TOP3A: variants seen among roughly 807,000 people sequenced by gnomAD.
The protein encoded by TOP3A is DNA topoisomerase III alpha, also known as DNA topoisomerase 3-alpha.
Under a neutral mutation model 111.3 loss-of-function variants are expected in TOP3A, and 64 were observed. The ratio of observed to expected loss-of-function variants is 0.57; its 90% CI spans 0.47 to 0.71. TOP3A has a LOEUF of 0.71. Among genes scored for constraint, TOP3A ranks in the 30% least tolerant of loss-of-function variants. The probability of loss-of-function intolerance (pLI) is 0.00; values close to 1 mark genes in which losing one functional copy is unlikely to be tolerated. For missense variants in TOP3A, 1,104 were observed against 1,285.0 expected (o/e 0.86, Z 2.15); for synonymous variants, 484 against 485.1 (o/e 1.00, Z 0.03).
At chr17:18,280,751 A>G in intron 16 of TOP3A, 93 bp from the exon 17 acceptor site, 1 of 1,428,704 alleles carries the variant, frequency 7.0e-7, no homozygotes, top group South Asian at 1.3e-5. Context: ...CAGCTGCCCG[A>G]GGACAACATT....
chr17:18,288,491 T>G (rs1980266875), intron 13 of TOP3A, among the ~76,000 whole-genome samples: 1 of 152,110 alleles, frequency 6.6e-6, no homozygotes, highest in Non-Finnish European at 1.5e-5. Context: ...TAAGTGTACC[T>G]CTATGTGGTT....
chr17:18,282,947 T>A, intron 15 of TOP3A, 106 bp from the exon 16 acceptor site: 1 of 1,446,158 alleles, frequency 6.9e-7, no homozygotes, highest in Non-Finnish European at 9.4e-7. Context: ...AACCAGCTGG[T>A]CAGTGAGCCG....
intron 18 of TOP3A, 131 bp downstream of exon 18, chr17:18,277,544 G>A: frequency 1.0e-6 from 1 of 977,396 alleles, no homozygotes; most frequent in Non-Finnish European, 1.5e-6. Context: ...GAAAAGTGAG[G>A]TGCAAGGCAG....
chr17:18,307,280 T>C (rs976838384), intron 3 of TOP3A: 3 of 239,342 alleles, frequency 1.3e-5, no homozygotes, highest in Non-Finnish European at 1.6e-5. Flanking sequence ...TCACAATGGA[T>C]CAGATAATCC....
Position 18,290,841 on chromosome 17 carries a change from C to T in TOP3A, c.1467+1G>A. ...TCTCACTGGGGACCACTCTTTATTACCTTGTCACTCCAGTGATCATATGGA... is the reference window on the plus strand; with the variant it reads ...TCTCACTGGGGACCACTCTTTATTATCTTGTCACTCCAGTGATCATATGGA... On this transcript the variant is annotated splice_donor_variant, in intron 12 of 18. Transcript: ENST00000321105. LOFTEE classifies it high-confidence loss of function. The T allele has an allele frequency of 1.2e-6, 2 of 1,613,844 alleles. No homozygotes were observed. The highest frequency in any genetic ancestry group is 1.7e-6 in the Non-Finnish European group (2 of 1,179,752).
At chr17:18,295,522 C>T (rs1448282439) in intron 9 of TOP3A, among the ~76,000 whole-genome samples, 1 of 152,146 alleles carries the variant, frequency 6.6e-6, no homozygotes, top group African/African-American at 2.4e-5. Flanking sequence ...AGGGCAGTGG[C>T]ACGATCTCGG....
rs758109007 is a variant in TOP3A at position 18,314,612 on chromosome 17, C to A, written c.167G>T (p.Gly56Val). 1.2e-6 allele frequency: 2 copies of A among 1,610,650 alleles called. No individual in the cohort carries two copies. Among genetic ancestry groups the A allele is most frequent in the South Asian group, 2.2e-5 (2 of 90,518 alleles). Residue 56 changes from glycine to valine, a missense_variant, in exon 1 of 19, where the codon GGT (glycine) becomes GTT (valine). Gly to Val is a moderately radical substitution (Grantham distance 109, BLOSUM62 -3). Transcript: ENST00000321105. ...AKGIADLLSN[G>V]RMRRREGLSK... Reference sequence around the variant, plus strand: ...GCGCTTTCTTACCCGCCTCATGCGACCGTTTGACAGCAGGTCGGCGATCCC... The same window carrying A: ...GCGCTTTCTTACCCGCCTCATGCGAACGTTTGACAGCAGGTCGGCGATCCC...
Position 18,306,895 on chromosome 17 carries a change from A to T in TOP3A, c.386T>A (p.Ile129Asn). The T allele has an allele frequency of 1.2e-6, 2 of 1,609,570 alleles. No individual in the cohort carries two copies. The highest frequency in any genetic ancestry group is 1.7e-6 in the Non-Finnish European group (2 of 1,175,960). ...ATGTCTTCCAAAAGACCCTACCTTGATGTCTACAAAATTCTCTGGGCAGTA... is the reference window on the plus strand; with the variant it reads ...ATGTCTTCCAAAAGACCCTACCTTGTTGTCTACAAAATTCTCTGGGCAGTA... ...EKYCPENFVD[I>N]KKTLERETRQ... Residue 129 changes from isoleucine (I) to asparagine (N), a missense_variant, in exon 4 of 19, where the codon ATC (isoleucine) becomes AAC (asparagine). Coordinates refer to ENST00000321105, the MANE Select transcript of TOP3A (RefSeq NM_004618.5).
chr17:18,286,347 CAA>C (rs57468944), intron 13 of TOP3A, among the ~76,000 whole-genome samples: 198 of 118,436 alleles, frequency 1.7e-3, no homozygotes, highest in Middle Eastern at 4.5e-3. Context: ...ACTAAAAATA[CAA>C]AAAAAAAAAA....
intron 18 of TOP3A, 99 bp downstream of exon 18, chr17:18,277,576 C>T (rs1979455621): frequency 7.0e-7 from 1 of 1,420,744 alleles, no homozygotes; most frequent in South Asian, 1.3e-5. Flanking sequence ...CTCCCAATCC[C>T]ACCATGACCC....
chr17:18,274,542 G>A lies in TOP3A; in HGVS notation c.*260C>T, dbSNP rs771950058. 7 of 372,484 alleles carry A rather than the reference G, an allele frequency of 1.9e-5. No individual in the cohort carries two copies. The highest frequency in any genetic ancestry group is 9.3e-5 in the East Asian group (2 of 21,468). The allele number at this position is 372,484 out of a possible 1,614,324, so 23.1% of individuals were successfully genotyped here. On this transcript the variant is annotated 3_prime_UTR_variant, in exon 19 of 19. Transcript: ENST00000321105. Reference sequence around the variant, plus strand: ...AACAGCAACCATCCTTGGGGGGTCCGAGGGAGCAGCTGCGTGACTTTTCAG... The same window carrying A: ...AACAGCAACCATCCTTGGGGGGTCCAAGGGAGCAGCTGCGTGACTTTTCAG...
At chr17:18,290,494 C>A in intron 13 of TOP3A, 63 bp downstream of exon 13, 1 of 1,446,238 alleles carries the variant, frequency 6.9e-7, no homozygotes, top group Non-Finnish European at 9.2e-7. Flanking sequence ...TAGAGGAAAC[C>A]TGTACCTGGT....
chr17:18,282,876 A>G (rs1396514999), intron 15 of TOP3A, 35 bp from the exon 16 acceptor site: 2 of 1,611,888 alleles, frequency 1.2e-6, no homozygotes, highest in Non-Finnish European at 1.7e-6. Flanking sequence ...CCCATCAGCC[A>G]GCAATCGCTG....
chr17:18,308,131 G>A (rs1340286033), intron 3 of TOP3A, among the ~76,000 whole-genome samples: 1 of 145,316 alleles, frequency 6.9e-6, no homozygotes, highest in Non-Finnish European at 1.5e-5. Flanking sequence ...AGAATCACTC[G>A]AACCCAGGAG....
At chr17:18,289,597 T>G (rs1340433243) in intron 13 of TOP3A, among the ~76,000 whole-genome samples, 1 of 152,212 alleles carries the variant, frequency 6.6e-6, no homozygotes, top group African/African-American at 2.4e-5. Flanking sequence ...TTTACCGTGT[T>G]GCCCAAGCTG....
chr17:18,314,332 T>C (rs748576414), intron 1 of TOP3A, among the ~76,000 whole-genome samples: 1 of 152,158 alleles, frequency 6.6e-6, no homozygotes, highest in South Asian at 2.1e-4. Flanking sequence ...CCGAGGCGAT[T>C]CCGAGAATCA....
At chr17:18,284,040 C>T (rs1324181626) in intron 15 of TOP3A, among the ~76,000 whole-genome samples, 1 of 152,152 alleles carries the variant, frequency 6.6e-6, no homozygotes, top group Admixed American at 6.5e-5. Context: ...CACTCTGTTG[C>T]CCAAGCTGGA....
intron 9 of TOP3A, among the ~76,000 whole-genome samples, chr17:18,298,398 A>C (rs532323949): frequency 1.5e-5 from 1 of 66,696 alleles, no homozygotes. Context: ...TCAGCCCCCC[A>C]CCCGGCCAGC....
intron 3 of TOP3A, 46 bp from the exon 4 acceptor site, chr17:18,307,012 G>C (rs1259778587): frequency 7.1e-6 from 10 of 1,402,552 alleles, no homozygotes; most frequent in Admixed American, 1.7e-5. Flanking sequence ...ACATGACAGA[G>C]AGCCCTCCAA....
Sources: gnomAD v4.1 joint callset for allele counts (sites outside exome capture counted in the v4.1 genomes callset) on GRCh38, gnomAD v4.1.1 for gene constraint, MANE v1.5 for transcripts, NCBI Gene and HGNC (gene_info 2026-07-23, HGNC 2026-07-21) for gene names.